Variants in VWC2L observed in about 807,000 individuals in gnomAD.
The protein encoded by VWC2L is von Willebrand factor C domain containing 2 like.
In VWC2L, 10 loss-of-function variants were observed where a neutral mutation model predicts 21.6. That is an observed-to-expected ratio of 0.46 (90% CI 0.29 to 0.78). VWC2L has a LOEUF of 0.78. VWC2L is among the 30% of genes least tolerant of loss of function. VWC2L has a pLI of 0.10. For missense variants in VWC2L, 209 were observed against 277.1 expected, an observed-to-expected ratio of 0.75 and a Z score of 1.74; for synonymous variants, 96 against 94.3, an observed-to-expected ratio of 1.02 and a Z score of -0.10.
chr2:214,555,653 C>T (rs764552469), intron 3 of VWC2L, among the ~76,000 whole-genome samples: 4 of 152,148 alleles, frequency 2.6e-5, no homozygotes, highest in Admixed American at 6.5e-5. Context: ...TTCTCCTGAT[C>T]GCTGTTGTCT....
intron 3 of VWC2L, among the ~76,000 whole-genome samples, chr2:214,521,234 GATAAATAA>G (rs72394017): frequency 0.066 from 9,307 of 140,420 alleles, 732 homozygotes; most frequent in African/African-American, 0.19. Flanking sequence ...CCATCTCAAA[GATAAATAA>G]ATAAATAAAT....
intron 3 of VWC2L, among the ~76,000 whole-genome samples, chr2:214,448,429 GGGAA>G (rs1702904307): frequency 6.6e-6 from 1 of 152,136 alleles, no homozygotes; most frequent in Admixed American, 6.5e-5. Flanking sequence ...TTTTGGTGGT[GGGAA>G]GGAAGGTGCT....
At chr2:214,572,953 T>C (rs1171066148) in intron 3 of VWC2L, among the ~76,000 whole-genome samples, 1 of 152,226 alleles carries the variant, frequency 6.6e-6, no homozygotes, top group Non-Finnish European at 1.5e-5. Context: ...TCAATCAATA[T>C]ACAGTCATTA....
At chr2:214,516,095 A>G (rs1378941066) in intron 3 of VWC2L, among the ~76,000 whole-genome samples, 2 of 151,958 alleles carry the variant, frequency 1.3e-5, no homozygotes, top group East Asian at 1.9e-4. Context: ...TATTATTTTC[A>G]TCTCTTCCTG....
chr2:214,428,916 G>T lies in VWC2L; in HGVS notation c.391-7713G>T, dbSNP rs7592983. Among the ~76,000 whole-genome samples the T allele has an allele frequency of 2.1e-4, 32 of 150,740 alleles. No homozygotes were observed. The South Asian group carries it at 6.3e-3, about 30-fold the overall frequency. ...CCAGGGTGATAACTCCCATCCCTTA[G>T]ACCCTAAAAGGTCTTAAATTCAGTG... On this transcript the variant is annotated intron_variant, in intron 2 of 3. Transcript: ENST00000312504.
At chr2:214,516,428 T>C (rs948984651) in intron 3 of VWC2L, among the ~76,000 whole-genome samples, 3 of 152,158 alleles carry the variant, frequency 2.0e-5, no homozygotes, top group Non-Finnish European at 4.4e-5. Flanking sequence ...CAACTGTTTC[T>C]GTGGGTAAGG....
chr2:214,567,110 G>T (rs766617609), intron 3 of VWC2L, among the ~76,000 whole-genome samples: 6 of 152,152 alleles, frequency 3.9e-5, no homozygotes, highest in Non-Finnish European at 5.9e-5. Flanking sequence ...ATTTCTAAAA[G>T]ACACTAAGTG....
intron 3 of VWC2L, among the ~76,000 whole-genome samples, chr2:214,548,771 G>A (rs1559327446): frequency 6.6e-6 from 1 of 152,164 alleles, no homozygotes; most frequent in Non-Finnish European, 1.5e-5. Flanking sequence ...AGCAGCATTT[G>A]TAGTCAATAC....
intron 3 of VWC2L, among the ~76,000 whole-genome samples, chr2:214,489,632 C>T (rs1688719132): frequency 6.6e-6 from 1 of 152,168 alleles, no homozygotes; most frequent in South Asian, 2.1e-4. Context: ...AGATAGGGAG[C>T]TCTGGAGAGA....
chr2:214,569,713 C>T (rs528215129), intron 3 of VWC2L, among the ~76,000 whole-genome samples: 24 of 152,280 alleles, frequency 1.6e-4, no homozygotes, highest in African/African-American at 5.5e-4. Flanking sequence ...CACTCAATGG[C>T]TCCTCATCTG....
At chr2:214,524,904 T>G (rs11903503) in intron 3 of VWC2L, among the ~76,000 whole-genome samples, 4,985 of 150,752 alleles carry the variant, frequency 0.033, 266 homozygotes, top group African/African-American at 0.11. Flanking sequence ...TCCACCGACA[T>G]CTTCAGAGCC....
Position 214,436,852 on chromosome 2 carries a change from AT to A in VWC2L, c.520+95del, listed in dbSNP as rs1352071539. The A allele has an allele frequency of 1.4e-5, 20 of 1,467,858 alleles. No individual in the cohort carries two copies. In the African/African-American group the frequency reaches 2.4e-4, roughly 17 times the overall value. The allele number at this position is 1,467,858 out of a possible 1,614,324, so 90.9% of individuals were successfully genotyped here. On this transcript the variant is annotated intron_variant, in intron 3 of 3. Transcript: ENST00000312504. Reference sequence around the variant, plus strand: ...CCATTCAATGCAAGACCCCTCTAAGATCTGCCTGTGGCTTTTCAATATGGGC... The same window carrying A: ...CCATTCAATGCAAGACCCCTCTAAGACTGCCTGTGGCTTTTCAATATGGGC...
intron 2 of VWC2L, among the ~76,000 whole-genome samples, chr2:214,432,176 T>G (rs1396062981): frequency 1.3e-5 from 2 of 152,244 alleles, no homozygotes; most frequent in Non-Finnish European, 2.9e-5. Flanking sequence ...AAACATAGAT[T>G]ATACATAAAT....
intron 3 of VWC2L, among the ~76,000 whole-genome samples, chr2:214,481,280 C>T (rs1688600702): frequency 6.6e-6 from 1 of 152,192 alleles, no homozygotes; most frequent in Non-Finnish European, 1.5e-5. Context: ...TAAGCCTTAA[C>T]AGATCTTACA....
At chr2:214,449,774 T>A (rs1702926310) in intron 3 of VWC2L, among the ~76,000 whole-genome samples, 1 of 152,206 alleles carries the variant, frequency 6.6e-6, no homozygotes, top group African/African-American at 2.4e-5. Context: ...ATACTTATTT[T>A]GCTTACATGT....
intron 3 of VWC2L, among the ~76,000 whole-genome samples, chr2:214,551,774 C>T (rs1276261003): frequency 6.6e-6 from 1 of 152,196 alleles, no homozygotes; most frequent in Non-Finnish European, 1.5e-5. Flanking sequence ...TGTTGAGAGG[C>T]ACCCACACAA....
intron 2 of VWC2L, among the ~76,000 whole-genome samples, chr2:214,419,158 A>G (rs1702397822): frequency 6.6e-6 from 1 of 152,074 alleles, no homozygotes; most frequent in South Asian, 2.1e-4. Context: ...ATTTCTCTCT[A>G]TTCTTTTTGA....
chr2:214,411,122 G>A lies in VWC2L; in HGVS notation c.-745G>A, dbSNP rs974758293. ...CAGAAGCCAGTTGTTGGCGCTGTCC[G>A]TGGTGCTGAGGAATTCCCGGCTGCC... On this transcript the variant is annotated 5_prime_UTR_variant, in exon 1 of 4. In the 5' UTR this introduces an upstream ATG that the reference lacks. Transcript: ENST00000312504. 1 of 152,210 alleles carries A rather than the reference G, an allele frequency of 6.6e-6. No homozygotes were observed. The highest frequency in any genetic ancestry group is 2.4e-5 in the African/African-American group (1 of 41,424). 9.4% of individuals were successfully genotyped at this position (152,210 alleles called of 1,614,324 possible).
chr2:214,537,115 T>C (rs1689547219), intron 3 of VWC2L, among the ~76,000 whole-genome samples: 1 of 151,992 alleles, frequency 6.6e-6, no homozygotes, highest in Non-Finnish European at 1.5e-5. Context: ...CTGGGTTAGT[T>C]GTCCCTCTTA....
Sources: allele counts gnomAD v4.1 joint callset (sites outside exome capture counted in the v4.1 genomes callset), GRCh38; gene constraint gnomAD v4.1.1; transcripts MANE v1.5; gene names NCBI Gene and HGNC (gene_info 2026-07-23, HGNC 2026-07-21).